MLLT6: variants seen among roughly 807,000 people sequenced by gnomAD.
The protein encoded by MLLT6 is MLLT6, PHD finger containing, also known as protein AF-17.
A neutral mutation model predicts 103.0 loss-of-function variants in MLLT6; 22 were observed. The observed-to-expected ratio is 0.21, with a 90% confidence interval of 0.15 to 0.31. MLLT6 has a LOEUF of 0.31. MLLT6 is among the 10% of genes least tolerant of loss of function. The pLI is 1.00. For missense variants in MLLT6, 1,199 were observed against 1,441.7 expected (o/e 0.83, Z 2.73); for synonymous variants, 606 against 623.5 (o/e 0.97, Z 0.42).
rs1906187481 is a variant in MLLT6 at position 38,729,064 on chromosome 17, A to G, written c.*3466A>G. 1 of 233,354 alleles carries G rather than the reference A, an allele frequency of 4.3e-6. No individual in the cohort carries two copies. The allele number at this position is 233,354 out of a possible 1,614,324, so 14.5% of individuals were successfully genotyped here. A position where few individuals can be genotyped will look rare whatever the true frequency, so the allele number is the denominator to read the frequency against. ...CACCCCAGACTCTTAGGAAGGGTCTAGAGAAATGAGAGGAGCCCAAGCCAG... is the reference window on the plus strand; with the variant it reads ...CACCCCAGACTCTTAGGAAGGGTCTGGAGAAATGAGAGGAGCCCAAGCCAG... On this transcript the variant is annotated 3_prime_UTR_variant, in exon 20 of 20. Coordinates refer to ENST00000621332, the MANE Select transcript of MLLT6 (RefSeq NM_005937.4).
rs1271370143 is a variant in MLLT6 at position 38,726,979 on chromosome 17, C to T, written c.*1381C>T. The stretch of plus-strand genomic sequence containing the variant: ...GCTGAGTGGACAGTCAGGAGAGAGG[C>T]GAGAGGCAAGGCGAAGCCTGTGTCC... On this transcript the variant is annotated 3_prime_UTR_variant, in exon 20 of 20. Coordinates refer to ENST00000621332, the MANE Select transcript of MLLT6 (RefSeq NM_005937.4). 5 of 233,614 alleles carry T rather than the reference C, an allele frequency of 2.1e-5. No homozygotes were observed. The highest frequency in any genetic ancestry group is 6.0e-5 in the East Asian group (1 of 16,598). The allele number at this position is 233,614 out of a possible 1,614,324, so 14.5% of individuals were successfully genotyped here.
Position 38,728,962 on chromosome 17 carries a change from C to T in MLLT6, c.*3364C>T, listed in dbSNP as rs1444229712. On this transcript the variant is annotated 3_prime_UTR_variant, in exon 20 of 20. Transcript: ENST00000621332. The stretch of plus-strand genomic sequence containing the variant: ...CCTCAGGCTCCTGGGTCTGCTGCTG[C>T]CTCAAGGTGTCCTGACCTTGAGGCT... 1 of 233,768 alleles carries T rather than the reference C, an allele frequency of 4.3e-6. No individual in the cohort carries two copies. The highest frequency in any genetic ancestry group is 8.5e-6 in the Non-Finnish European group (1 of 118,176). The allele number at this position is 233,768 out of a possible 1,614,324, so 14.5% of individuals were successfully genotyped here.
At position 38,705,550 on chromosome 17, in the gene MLLT6, C is replaced by A. The variant is rs1394682129; in HGVS notation, c.-83C>A. Reference sequence around the variant, plus strand: ...GAGGAGGGGGCGAGGAGGCGCGCGGCCCCCCGCTCCCTCCCTCCCCCCTGA... The same window carrying A: ...GAGGAGGGGGCGAGGAGGCGCGCGGACCCCCGCTCCCTCCCTCCCCCCTGA... On this transcript the variant is annotated 5_prime_UTR_variant, in exon 1 of 20. Coordinates refer to ENST00000621332, the MANE Select transcript of MLLT6 (RefSeq NM_005937.4). 9.4e-6 allele frequency: 5 copies of A among 533,874 alleles called. No individual in the cohort carries two copies. Among genetic ancestry groups the A allele is most frequent in the Admixed American group, 3.7e-5 (1 of 26,800 alleles). 33.1% of individuals were successfully genotyped at this position (533,874 alleles called of 1,614,324 possible).
intron 4 of MLLT6, 182 bp downstream of exon 4, chr17:38,708,054 C>T: frequency 1.7e-6 from 1 of 590,468 alleles, no homozygotes; most frequent in Non-Finnish European, 3.0e-6. Context: ...CTCTGGCACT[C>T]AGGTGAAATA....
At chr17:38,720,596 G>T (rs565139588) in intron 15 of MLLT6, 27 bp downstream of exon 15, 2 of 1,612,800 alleles carry the variant, frequency 1.2e-6, no homozygotes, top group East Asian at 4.5e-5. Context: ...CAGCCCGGGA[G>T]AGAGGCCCGT....
Position 38,724,744 on chromosome 17 carries a change from C to T in MLLT6, c.3008C>T (p.Pro1003Leu), listed in dbSNP as rs142394710. The T allele has an allele frequency of 3.1e-4, 506 of 1,610,638 alleles. No homozygotes were observed. The highest frequency in any genetic ancestry group is 3.5e-4 in the Admixed American group (21 of 59,650). ...MASLLAGSST[P>L]LLSAGTPGLL... ...AGCCTGCTGGCAGGAAGCTCCACCCCGCTGCTGTCTGCGGGTACCCCTGGC... is the reference window on the plus strand; with the variant it reads ...AGCCTGCTGGCAGGAAGCTCCACCCTGCTGCTGTCTGCGGGTACCCCTGGC... Residue 1003 changes from proline (P) to leucine (L), a missense_variant, in exon 19 of 20, where the codon CCG becomes CTG. Physicochemically the swap from Pro to Leu is moderately conservative, Grantham distance 98 (BLOSUM62 -3). Coordinates refer to ENST00000621332, the MANE Select transcript of MLLT6 (RefSeq NM_005937.4). The surrounding 1 kb of genome is among the most constrained non-coding windows in gnomAD (Gnocchi z 5.4).
chr17:38,710,392 C>G (rs955692455), intron 6 of MLLT6, among the ~76,000 whole-genome samples: 1 of 152,168 alleles, frequency 6.6e-6, no homozygotes, highest in Non-Finnish European at 1.5e-5. Flanking sequence ...GATCTACCCC[C>G]GAGCCACAGG....
chr17:38,715,709 A>G lies in MLLT6; in HGVS notation c.917A>G (p.His306Arg). 2.5e-6 allele frequency: 4 copies of G among 1,614,196 alleles called. No individual in the cohort carries two copies. Among genetic ancestry groups the G allele is most frequent in the Non-Finnish European group, 2.5e-6 (3 of 1,180,034 alleles). ...TCAAAGGGGAAAAAGTCTTCCAGCC[A>G]TAGCCTGAGTCATAAAGGGAAGAAA... The part of the protein sequence containing the change: ...RESKGKKSSS[H>R]SLSHKGKKLS... The change falls in exon 9 of 20, where the codon CAT becomes CGT. Residue 306 changes from histidine to arginine, a missense_variant. Transcript: ENST00000621332.
chr17:38,711,046 G>T (rs916602822), intron 6 of MLLT6, among the ~76,000 whole-genome samples: 9 of 152,146 alleles, frequency 5.9e-5, no homozygotes, highest in Non-Finnish European at 1.0e-4. Context: ...GGCCTTGCAG[G>T]GTATGGGGCT....
intron 12 of MLLT6, chr17:38,719,221 A>G (rs1381169946): frequency 4.2e-6 from 2 of 471,440 alleles, no homozygotes; most frequent in African/African-American, 4.0e-5. Context: ...CTTGACCTCA[A>G]ATTTCTATAA....
At chr17:38,714,986 T>C (rs1905276230) in intron 8 of MLLT6, among the ~76,000 whole-genome samples, 2 of 152,266 alleles carry the variant, frequency 1.3e-5, no homozygotes, top group African/African-American at 4.8e-5. Flanking sequence ...ACCTGAGGTA[T>C]TTAGGGAGGC....
At chr17:38,711,297 C>T (rs541762624) in intron 6 of MLLT6, among the ~76,000 whole-genome samples, 3 of 152,170 alleles carry the variant, frequency 2.0e-5, no homozygotes, top group South Asian at 2.1e-4. Flanking sequence ...TTAACTTCCC[C>T]CCTTTCTTCA....
At chr17:38,719,038 T>A (rs2143695918) in intron 12 of MLLT6, 1 of 195,450 alleles carries the variant, frequency 5.1e-6, no homozygotes, top group South Asian at 1.8e-4. Flanking sequence ...CAGAGCTAAT[T>A]ATGATAATAG....
At chr17:38,722,884 T>C in intron 18 of MLLT6, 116 bp downstream of exon 18, 1 of 771,584 alleles carries the variant, frequency 1.3e-6, no homozygotes, top group African/African-American at 1.7e-5. Flanking sequence ...GGGGAAGCTC[T>C]AGGCTGGGCC....
Position 38,716,239 on chromosome 17 carries a change from C to T in MLLT6, c.1037-128C>T. On this transcript the variant is annotated intron_variant, in intron 9 of 19. Coordinates refer to ENST00000621332, the MANE Select transcript of MLLT6 (RefSeq NM_005937.4). The surrounding 1 kb of genome is among the most constrained non-coding windows in gnomAD (Gnocchi z 5.6). ...ACTCATCCCAGGACACAGACAGTGG[C>T]AGAGCTGAGACAGGAAACCAGGCAT... The T allele has an allele frequency of 1.0e-6, 1 of 973,042 alleles. No individual in the cohort carries two copies. The highest frequency in any genetic ancestry group is 1.5e-6 in the Non-Finnish European group (1 of 660,622). The allele number at this position is 973,042 out of a possible 1,614,324, so 60.3% of individuals were successfully genotyped here.
At position 38,725,752 on chromosome 17, in the gene MLLT6, C is replaced by T. The variant is rs941581953; in HGVS notation, c.*154C>T. 1.1e-5 allele frequency: 7 copies of T among 630,378 alleles called. No homozygotes were observed. Among genetic ancestry groups the T allele is most frequent in the South Asian group, 4.2e-5 (2 of 47,536 alleles). 39.0% of individuals were successfully genotyped at this position (630,378 alleles called of 1,614,324 possible). On this transcript the variant is annotated 3_prime_UTR_variant, in exon 20 of 20. Coordinates refer to ENST00000621332, the MANE Select transcript of MLLT6 (RefSeq NM_005937.4). ...AGGGAGTGTGGAGAGCTCCTGGTGTCGAGGACTGAGACTGAGAGGGGAGCC... is the reference window on the plus strand; with the variant it reads ...AGGGAGTGTGGAGAGCTCCTGGTGTTGAGGACTGAGACTGAGAGGGGAGCC...
In MLLT6 at chr17:38,728,000, C is replaced by G; in HGVS notation, c.*2402C>G. On this transcript the variant is annotated 3_prime_UTR_variant, in exon 20 of 20. Transcript: ENST00000621332. Reference sequence around the variant, plus strand: ...GTGCATTGAAACCAAGACACCCCACCCAGAACACTTCTTCCCTCCCTCAGC... The same window carrying G: ...GTGCATTGAAACCAAGACACCCCACGCAGAACACTTCTTCCCTCCCTCAGC... The G allele has an allele frequency of 4.3e-6, 1 of 233,220 alleles. No homozygotes were observed. The highest frequency in any genetic ancestry group is 2.2e-5 in the African/African-American group (1 of 45,444). The allele number at this position is 233,220 out of a possible 1,614,324, so 14.4% of individuals were successfully genotyped here.
At chr17:38,723,416 G>A (rs1905864231) in intron 18 of MLLT6, among the ~76,000 whole-genome samples, 1 of 152,062 alleles carries the variant, frequency 6.6e-6, no homozygotes, top group African/African-American at 2.4e-5. Context: ...CGCTTGAACT[G>A]GGGAGGTGGA....
intron 1 of MLLT6, chr17:38,706,631 C>A (rs777250132): frequency 1.1e-5 from 3 of 274,208 alleles, no homozygotes; most frequent in Non-Finnish European, 2.0e-5. Flanking sequence ...CTGGTTTTCT[C>A]TATTTCTGAT....
Sources: gnomAD v4.1 joint callset for allele counts (sites outside exome capture counted in the v4.1 genomes callset) on GRCh38, gnomAD v4.1.1 for gene constraint, Gnocchi (gnomAD v3.1) non-coding constraint, MANE v1.5 for transcripts, NCBI Gene and HGNC (gene_info 2026-07-23, HGNC 2026-07-21) for gene names.